Variants in BCHE observed in about 807,000 individuals in gnomAD.
BCHE encodes cholinesterase.
A neutral mutation model predicts 51.3 loss-of-function variants in BCHE; 48 were observed. The observed-to-expected ratio is 0.94, with a 90% CI of 0.74 to 1.19. The LOEUF is 1.19. Among genes scored for constraint, BCHE ranks in the 50% most tolerant of loss-of-function variants. BCHE has a pLI of 0.00. For missense variants in BCHE, 847 were observed against 708.2 expected, an observed-to-expected ratio of 1.20 and a Z score of -2.23; for synonymous variants, 251 against 238.0, an observed-to-expected ratio of 1.05 and a Z score of -0.50.
chr3:165,796,278 T>C (rs1384467340), intron 2 of BCHE, among the ~76,000 whole-genome samples: 3 of 152,168 alleles, frequency 2.0e-5, no homozygotes, highest in African/African-American at 7.2e-5. Context: ...GCTTGACATC[T>C]GTTATCAAAG....
At chr3:165,831,156 A>G in intron 1 of BCHE, 115 bp from the exon 2 acceptor site, 1 of 967,468 alleles carries the variant, frequency 1.0e-6, no homozygotes, top group Non-Finnish European at 1.5e-6. Context: ...TTATGAAAAC[A>G]AATAAACCTG....
At chr3:165,789,357 G>T (rs1222954410) in intron 2 of BCHE, among the ~76,000 whole-genome samples, 8 of 151,470 alleles carry the variant, frequency 5.3e-5, no homozygotes, top group Admixed American at 5.3e-4. Context: ...GCTTGTCATT[G>T]ATATTTCAGC....
Position 165,773,401 on chromosome 3 carries a change from T to C in BCHE, c.1790A>G (p.Glu597Gly). Residue 597 changes from glutamate (E) to glycine (G), a missense_variant, in exon 4 of 4, where the codon GAA (glutamate) becomes GGA (glycine). Coordinates refer to ENST00000264381, the MANE Select transcript of BCHE (RefSeq NM_000055.4). ...TATTAATTAGAGACCCACACAACTT[T>C]CTTTCTTGCTAGTGTAATCGTTAAA... ...NQFNDYTSKK[E>G]SCVGL 1.2e-6 allele frequency: 2 copies of C among 1,611,296 alleles called. No individual in the cohort carries two copies. Among genetic ancestry groups the C allele is most frequent in the Non-Finnish European group, 1.7e-6 (2 of 1,177,982 alleles).
At chr3:165,792,997 T>A (rs982004997) in intron 2 of BCHE, among the ~76,000 whole-genome samples, 2 of 152,194 alleles carry the variant, frequency 1.3e-5, no homozygotes, top group African/African-American at 4.8e-5. Flanking sequence ...CTGTTAATTG[T>A]TTCTTTTGCT....
chr3:165,830,971 C>T lies in BCHE; in HGVS notation c.63G>A (p.Met21Ile). 1 of 1,613,762 alleles carries T rather than the reference C, an allele frequency of 6.2e-7. No individual in the cohort carries two copies. Among genetic ancestry groups the T allele is most frequent in the Non-Finnish European group, 8.5e-7 (1 of 1,179,848 alleles). ...RFLFWFLLLC[M>I]LIGKSHTEDD... ...CTTCAGTATGTGACTTCCCAATAAG[C>T]ATGCAGAGCAAAAGAAACCAAAAGA... is the stretch of plus-strand genomic sequence containing the variant. The change falls in exon 2 of 4, where the codon ATG becomes ATA. Residue 21 changes from methionine (M) to isoleucine (I), a missense_variant. Coordinates refer to ENST00000264381, the MANE Select transcript of BCHE (RefSeq NM_000055.4).
chr3:165,774,163 T>C (rs1390192096), intron 3 of BCHE, among the ~76,000 whole-genome samples: 2 of 152,160 alleles, frequency 1.3e-5, no homozygotes, highest in Admixed American at 6.5e-5. Flanking sequence ...TGTATATGTT[T>C]AGTATAGATG....
At chr3:165,831,140 T>C (rs1714968287) in intron 1 of BCHE, 99 bp from the exon 2 acceptor site, 2 of 1,100,072 alleles carry the variant, frequency 1.8e-6, no homozygotes, top group Non-Finnish European at 2.6e-6. Context: ...TTAGTAATTC[T>C]ACAAATTATG....
intron 3 of BCHE, among the ~76,000 whole-genome samples, chr3:165,777,097 G>T (rs1712501565): frequency 6.6e-6 from 1 of 151,676 alleles, no homozygotes; most frequent in South Asian, 2.1e-4. Flanking sequence ...GAGTAAATAA[G>T]TATATATTAA....
intron 2 of BCHE, among the ~76,000 whole-genome samples, chr3:165,810,518 A>T (rs2108221067): frequency 6.6e-6 from 1 of 152,148 alleles, no homozygotes; most frequent in East Asian, 1.9e-4. Flanking sequence ...GTGTTATTTT[A>T]TTGCCAGATT....
At chr3:165,773,586 C>T (rs1161358465) in intron 3 of BCHE, 80 bp from the exon 4 acceptor site, 2 of 1,283,200 alleles carry the variant, frequency 1.6e-6, no homozygotes, top group African/African-American at 3.0e-5. Context: ...AATACAAAAG[C>T]CATTTTCTCT....
chr3:165,778,524 G>A, intron 3 of BCHE: 1 of 272,334 alleles, frequency 3.7e-6, no homozygotes, highest in South Asian at 3.3e-5. Context: ...TTAGCATGAT[G>A]CACAAGACAC....
chr3:165,806,337 A>T (rs191790235), intron 2 of BCHE, among the ~76,000 whole-genome samples: 17 of 152,232 alleles, frequency 1.1e-4, no homozygotes, highest in Admixed American at 1.1e-3. Context: ...TTTCTTTAAG[A>T]AAGGTTTCTA....
At chr3:165,818,692 AG>A (rs1714396608) in intron 2 of BCHE, among the ~76,000 whole-genome samples, 1 of 152,164 alleles carries the variant, frequency 6.6e-6, no homozygotes, top group African/African-American at 2.4e-5. Flanking sequence ...CATGAAGCAG[AG>A]GAAGAGACGT....
In BCHE at chr3:165,830,042, G is replaced by A. The variant is rs150912772; in HGVS notation, c.992C>T (p.Pro331Leu). ...TTGTCCAAGTTCAAGTAATATGTCTGGCATGTCAGTGAGAAAATCACCATC... is the reference window on the plus strand; with the variant it reads ...TTGTCCAAGTTCAAGTAATATGTCTAGCATGTCAGTGAGAAAATCACCATC... ...TVDGDFLTDM[P>L]DILLELGQFK... The change falls in exon 2 of 4, where the codon CCA (proline) becomes CTA (leucine). Residue 331 changes from proline to leucine, a missense_variant. By Grantham distance (98) the Pro-to-Leu change is moderately conservative. Transcript: ENST00000264381. 1.2e-6 allele frequency: 2 copies of A among 1,613,492 alleles called. No individual in the cohort carries two copies. Among genetic ancestry groups the A allele is most frequent in the East Asian group, 2.2e-5 (1 of 44,872 alleles).
chr3:165,824,617 C>A (rs921543118), intron 2 of BCHE, among the ~76,000 whole-genome samples: 81 of 152,008 alleles, frequency 5.3e-4, no homozygotes, highest in African/African-American at 1.8e-3. Flanking sequence ...CCCCATCATT[C>A]ACAGAAAATA....
intron 3 of BCHE, 95 bp downstream of exon 3, chr3:165,786,041 GATACATATA>G: frequency 1.6e-6 from 2 of 1,225,686 alleles, no homozygotes; most frequent in Non-Finnish European, 2.4e-6. Flanking sequence ...TAAAGTCAGA[GATACATATA>G]GTAACTCCAT....
intron 3 of BCHE, among the ~76,000 whole-genome samples, chr3:165,774,707 T>C (rs1427544707): frequency 2.6e-5 from 4 of 152,148 alleles, no homozygotes; most frequent in African/African-American, 9.7e-5. Flanking sequence ...GTTTATTAAT[T>C]GTGTTGTAAA....
In BCHE at chr3:165,790,047, GAGTA is replaced by G. The variant is rs747766798; in HGVS notation, c.1518-3740_1518-3737del. ...CTGGGGATAAATAGAAATGGCGGGT[GAGTA>G]AGTATCAGTGTGTGTGTGAGGGGGG... On this transcript the variant is annotated intron_variant, in intron 2 of 3. Coordinates refer to ENST00000264381, the MANE Select transcript of BCHE (RefSeq NM_000055.4). 3.9e-5 allele frequency among the ~76,000 whole-genome samples: 6 copies of G among 152,184 alleles called. No individual in the cohort carries two copies. The East Asian group carries it at 1.2e-3, about 29-fold the overall frequency.
intron 2 of BCHE, among the ~76,000 whole-genome samples, chr3:165,788,149 G>A (rs894829821): frequency 1.3e-5 from 2 of 151,758 alleles, no homozygotes; most frequent in African/African-American, 4.8e-5. Flanking sequence ...TTTGGCCAAA[G>A]TCTCTAAGTC....
Sources: allele counts gnomAD v4.1 joint callset (sites outside exome capture counted in the v4.1 genomes callset), GRCh38; gene constraint gnomAD v4.1.1; transcripts MANE v1.5; gene names NCBI Gene and HGNC (gene_info 2026-07-23, HGNC 2026-07-21).